COL5A2: variants seen among roughly 807,000 people sequenced by gnomAD.
COL5A2 encodes the protein collagen alpha-2(V) chain.
COL5A2 carries 23 observed loss-of-function variants against 208.2 expected under a neutral mutation model. That is an observed-to-expected ratio of 0.11 (90% CI 0.08 to 0.16). The LOEUF (loss-of-function observed/expected upper bound fraction) is 0.16, where lower values mean the gene tolerates loss of function less well. COL5A2 is among the 10% of genes least tolerant of loss of function. COL5A2 has a pLI of 1.00. For missense variants in COL5A2, 1,590 were observed against 1,956.4 expected, an observed-to-expected ratio of 0.81 and a Z score of 3.53; for synonymous variants, 625 against 628.5, an observed-to-expected ratio of 0.99 and a Z score of 0.08.
rs749730934 is a variant in COL5A2, at chr2:189,110,322, T to C, written c.225A>G (p.Glu75=). 2 of 1,614,176 alleles carry C rather than the reference T, an allele frequency of 1.2e-6. No homozygotes were observed. Among genetic ancestry groups the C allele is most frequent in the South Asian group, 1.1e-5 (1 of 91,078 alleles). The change falls in exon 2 of 54, where the codon GAA becomes GAG. Residue 75 remains glutamate, a synonymous_variant. Transcript: ENST00000374866. The part of the protein sequence containing the change: ...DNGAILCDKI[E]CQDVLDCADP... ...CGGCACAGTCCAGCACATCCTGGCA[T>C]TCTATCTTGTCACAGAGAATGGCTC...
chr2:189,138,498 A>G (rs1296454517), intron 1 of COL5A2, among the ~76,000 whole-genome samples: 2 of 152,156 alleles, frequency 1.3e-5, no homozygotes, highest in Non-Finnish European at 2.9e-5. Context: ...AACTATTAGT[A>G]CACACATATA....
the COL5A2 span, among the ~76,000 whole-genome samples, chr2:189,408,790 A>G: frequency 6.6e-6 from 1 of 152,140 alleles, no homozygotes. Flanking sequence ...TCAATTAACC[A>G]CATTATACTG....
At chr2:189,379,932 C>G in the COL5A2 span, among the ~76,000 whole-genome samples, 1 of 152,124 alleles carries the variant, frequency 6.6e-6, no homozygotes, top group Non-Finnish European at 1.5e-5. Flanking sequence ...CCATCTACTT[C>G]CCTAGTAGTT....
the COL5A2 span, among the ~76,000 whole-genome samples, chr2:189,360,973 T>TC: frequency 1.2e-5 from 1 of 84,494 alleles, no homozygotes; most frequent in Non-Finnish European, 2.9e-5. Flanking sequence ...GGCTGTTCTG[T>TC]TTTTTTTTTT....
chr2:189,363,109 A>AT, the COL5A2 span, among the ~76,000 whole-genome samples: 1 of 152,074 alleles, frequency 6.6e-6, no homozygotes, highest in African/African-American at 2.4e-5. Flanking sequence ...TAAAATGACA[A>AT]TTTTTTTCCT....
At chr2:189,314,928 G>A in the COL5A2 span, among the ~76,000 whole-genome samples, 1 of 152,082 alleles carries the variant, frequency 6.6e-6, no homozygotes, top group South Asian at 2.1e-4. Flanking sequence ...CTGAAATTGA[G>A]GCAGTAATAA....
chr2:189,163,387 T>C (rs1160870043), intron 1 of COL5A2, among the ~76,000 whole-genome samples: 1 of 152,204 alleles, frequency 6.6e-6, no homozygotes, highest in African/African-American at 2.4e-5. Context: ...ACACAACACA[T>C]GATGCATTTA....
chr2:189,440,826 A>T, the COL5A2 span, among the ~76,000 whole-genome samples: 19 of 152,194 alleles, frequency 1.2e-4, no homozygotes, highest in African/African-American at 4.6e-4. Flanking sequence ...GACTGGCCGA[A>T]TGTCAGATTA....
At chr2:189,335,616 A>T in the COL5A2 span, among the ~76,000 whole-genome samples, 2 of 152,172 alleles carry the variant, frequency 1.3e-5, no homozygotes, top group Non-Finnish European at 2.9e-5. Flanking sequence ...GTGAAATATT[A>T]TCCAGCCATA....
At chr2:189,072,202 G>C in intron 17 of COL5A2, 109 bp from the exon 18 acceptor site, 1 of 717,200 alleles carries the variant, frequency 1.4e-6, no homozygotes, top group Non-Finnish European at 2.5e-6. Flanking sequence ...AGAATAACCT[G>C]CCTTTCACTT....
the COL5A2 span, among the ~76,000 whole-genome samples, chr2:189,400,158 A>G: frequency 3.9e-5 from 6 of 152,096 alleles, no homozygotes; most frequent in Non-Finnish European, 8.8e-5. Flanking sequence ...TTGCCTACAT[A>G]TGTTTTTCTT....
chr2:189,166,699 G>A (rs777754528), intron 1 of COL5A2, among the ~76,000 whole-genome samples: 1 of 152,198 alleles, frequency 6.6e-6, no homozygotes, highest in Admixed American at 6.5e-5. Flanking sequence ...TGTGAGCCAC[G>A]GAGTCCATCT....
At chr2:189,065,349 G>C (rs904880790) in intron 23 of COL5A2, among the ~76,000 whole-genome samples, 2 of 152,184 alleles carry the variant, frequency 1.3e-5, no homozygotes, top group Non-Finnish European at 1.5e-5. Context: ...GGCCAACGTG[G>C]TGAAAACCTG....
At chr2:189,382,270 T>A in the COL5A2 span, among the ~76,000 whole-genome samples, 7 of 152,028 alleles carry the variant, frequency 4.6e-5, no homozygotes, top group Non-Finnish European at 7.4e-5. Context: ...GGTGGAAGGA[T>A]CACCCGAGCC....
At chr2:189,432,329 T>A in the COL5A2 span, among the ~76,000 whole-genome samples, 3 of 152,106 alleles carry the variant, frequency 2.0e-5, no homozygotes, top group African/African-American at 7.2e-5. Context: ...TCACACATAA[T>A]TATATTAACG....
At chr2:189,143,209 G>A (rs1687969618) in intron 1 of COL5A2, among the ~76,000 whole-genome samples, 1 of 152,104 alleles carries the variant, frequency 6.6e-6, no homozygotes, top group Admixed American at 6.6e-5. Context: ...GGGGGCCAGT[G>A]GGAAATGACA....
At chr2:189,119,835 T>C (rs1343715458) in intron 1 of COL5A2, among the ~76,000 whole-genome samples, 1 of 152,068 alleles carries the variant, frequency 6.6e-6, no homozygotes, top group Non-Finnish European at 1.5e-5. Context: ...AAAATTTAGT[T>C]TGGACAAAAG....
At chr2:189,122,607 A>T (rs1024974645) in intron 1 of COL5A2, among the ~76,000 whole-genome samples, 59 of 152,220 alleles carry the variant, frequency 3.9e-4, no homozygotes, top group Admixed American at 2.7e-3. Flanking sequence ...TACCTGCAAC[A>T]TTCTATTACA....
Position 189,066,418 on chromosome 2 carries a change from A to G in COL5A2, c.1535T>C (p.Val512Ala), listed in dbSNP as rs35852101. 34,065 of 1,614,122 alleles carry G rather than the reference A, an allele frequency of 0.021. 441 individuals are homozygous for G. Among genetic ancestry groups the G allele is most frequent in the Non-Finnish European group, 0.023 (26,869 of 1,179,972 alleles). Residue 512 changes from valine (V) to alanine (A), a missense_variant, in exon 23 of 54, where the codon GTT becomes GCT. By Grantham distance (64) the Val-to-Ala change is moderately conservative (BLOSUM62 0). Coordinates refer to ENST00000374866, the MANE Select transcript of COL5A2 (RefSeq NM_000393.5). ...TTCTCCCACTGGCCCTGGAGGACCA[A>G]CTGTTCCTGGGTCACCTCTGGGACC... ...KRGPRGDPGT[V>A]GPPGPVGERG...
Sources: allele counts gnomAD v4.1 joint callset (sites outside exome capture counted in the v4.1 genomes callset), GRCh38; gene constraint gnomAD v4.1.1; transcripts MANE v1.5; gene names NCBI Gene and HGNC (gene_info 2026-07-23, HGNC 2026-07-21).